Variants in WDR41 observed in about 807,000 individuals in gnomAD.
WDR41 encodes the protein WD repeat-containing protein 41.
A neutral mutation model predicts 69.3 loss-of-function variants in WDR41; 63 were observed. The ratio of observed to expected loss-of-function variants is 0.91; its 90% CI spans 0.74 to 1.12. The LOEUF is 1.12. WDR41 is among the 50% of genes most tolerant of loss of function. WDR41 has a pLI of 0.00. For missense variants in WDR41, 543 were observed against 534.5 expected (o/e 1.02, Z -0.16); for synonymous variants, 185 against 192.1 (o/e 0.96, Z 0.31).
chr5:77,562,927 G>T (rs756593037), intron 1 of WDR41, among the ~76,000 whole-genome samples: 2 of 152,048 alleles, frequency 1.3e-5, no homozygotes, highest in Admixed American at 6.6e-5. Context: ...AAGATCTTCC[G>T]TGAAATTCTA....
intron 1 of WDR41, among the ~76,000 whole-genome samples, chr5:77,539,619 C>A (rs906788485): frequency 6.6e-6 from 1 of 152,128 alleles, no homozygotes; most frequent in East Asian, 1.9e-4. Flanking sequence ...TGAACCCTGA[C>A]TGCTGCATGT....
chr5:77,620,412 A>C, intron 1 of WDR41: 1 of 448,410 alleles, frequency 2.2e-6, no homozygotes, highest in Non-Finnish European at 4.5e-6. Context: ...TTGAAAGATA[A>C]GGTCCTATGA....
intron 1 of WDR41, among the ~76,000 whole-genome samples, chr5:77,611,422 C>A (rs1479512327): frequency 6.6e-6 from 1 of 152,182 alleles, no homozygotes; most frequent in African/African-American, 2.4e-5. Context: ...CACTCCTCAG[C>A]AAATGTAAAA....
chr5:77,510,490 T>C (rs984823810), intron 1 of WDR41, among the ~76,000 whole-genome samples: 3 of 152,030 alleles, frequency 2.0e-5, no homozygotes, highest in Non-Finnish European at 2.9e-5. Flanking sequence ...TAAATAAAAT[T>C]ATGGTTCTGC....
chr5:77,445,248 T>G (rs13169026), intron 8 of WDR41, among the ~76,000 whole-genome samples: 1 of 151,946 alleles, frequency 6.6e-6, no homozygotes, highest in African/African-American at 2.4e-5. Context: ...AATCCCTGAA[T>G]AGACCAATAA....
At chr5:77,588,227 T>C (rs927874138) in intron 1 of WDR41, among the ~76,000 whole-genome samples, 1 of 152,194 alleles carries the variant, frequency 6.6e-6, no homozygotes, top group African/African-American at 2.4e-5. Context: ...ACTCAGTGAT[T>C]TGCCTTTTTA....
chr5:77,523,323 T>G (rs563422209), intron 1 of WDR41, among the ~76,000 whole-genome samples: 16 of 151,976 alleles, frequency 1.1e-4, no homozygotes, highest in Non-Finnish European at 2.2e-4. Context: ...AAAAGATATA[T>G]TTTCTACCTT....
chr5:77,578,392 A>G (rs1338859173), intron 1 of WDR41, among the ~76,000 whole-genome samples: 1 of 152,210 alleles, frequency 6.6e-6, no homozygotes, highest in Non-Finnish European at 1.5e-5. Context: ...TTTAGTATCC[A>G]TAGTACTACA....
intron 1 of WDR41, among the ~76,000 whole-genome samples, chr5:77,491,541 C>T (rs1356151050): frequency 6.6e-6 from 1 of 152,108 alleles, no homozygotes; most frequent in Non-Finnish European, 1.5e-5. Flanking sequence ...ATGTAAATTT[C>T]ATTACACACG....
chr5:77,534,234 A>C (rs1336928803), intron 1 of WDR41, among the ~76,000 whole-genome samples: 3 of 152,164 alleles, frequency 2.0e-5, no homozygotes, highest in African/African-American at 7.2e-5. Flanking sequence ...ATGGATCAGA[A>C]TCTTTAAATT....
chr5:77,494,009 G>A (rs183931498), upstream of WDR41, among the ~76,000 whole-genome samples: 3 of 151,640 alleles, frequency 2.0e-5, no homozygotes, highest in Non-Finnish European at 4.4e-5. Context: ...GTATAAAGAT[G>A]TAATTTGTGG....
intron 2 of WDR41, among the ~76,000 whole-genome samples, chr5:77,471,340 G>C (rs1221057624): frequency 6.6e-6 from 1 of 152,100 alleles, no homozygotes; most frequent in African/African-American, 2.4e-5. Flanking sequence ...ATCTAAAATT[G>C]ACACCCTAAC....
intron 1 of WDR41, among the ~76,000 whole-genome samples, chr5:77,565,918 C>T (rs946110596): frequency 6.6e-6 from 1 of 152,128 alleles, no homozygotes; most frequent in African/African-American, 2.4e-5. Context: ...GTATTCAACA[C>T]ATTATTGTAA....
At chr5:77,529,367 A>G (rs1802491487) in intron 1 of WDR41, among the ~76,000 whole-genome samples, 1 of 151,582 alleles carries the variant, frequency 6.6e-6, no homozygotes, top group South Asian at 2.1e-4. Context: ...GATAAAAAAA[A>G]CTTTAAAGGT....
At chr5:77,453,097 A>C (rs182608781) in intron 6 of WDR41, among the ~76,000 whole-genome samples, 3 of 152,314 alleles carry the variant, frequency 2.0e-5, no homozygotes, top group Admixed American at 2.0e-4. Context: ...TGATACTTTA[A>C]AATATCTACG....
At chr5:77,531,631 C>A (rs1413574536) in intron 1 of WDR41, among the ~76,000 whole-genome samples, 1 of 151,908 alleles carries the variant, frequency 6.6e-6, no homozygotes, top group African/African-American at 2.4e-5. Context: ...CCCCACAATT[C>A]ATTTGTACTC....
At chr5:77,459,166 A>C (rs758081248) in intron 4 of WDR41, 42 bp from the exon 5 acceptor site, 15 of 1,397,054 alleles carry the variant, frequency 1.1e-5, no homozygotes, top group Non-Finnish European at 1.5e-5. Context: ...AGAATTTTAA[A>C]ATCTTAATTA....
intron 1 of WDR41, among the ~76,000 whole-genome samples, chr5:77,512,911 G>A (rs1411823788): frequency 6.6e-6 from 1 of 152,074 alleles, no homozygotes; most frequent in Non-Finnish European, 1.5e-5. Context: ...TGTTTCAAGT[G>A]CTAAGGATTC....
rs141792153 is a variant in WDR41 at position 77,603,948 on chromosome 5, C to T, written c.42+16531G>A. Among the ~76,000 whole-genome samples, 249 of 152,220 alleles carry T rather than the reference C, an allele frequency of 1.6e-3. 2 individuals carry two copies. The highest frequency in any genetic ancestry group is 5.6e-3 in the African/African-American group (234 of 41,548). On this transcript the variant is annotated intron_variant, in intron 1 of 5. Coordinates refer to the WDR41 transcript ENST00000509971. ...ATTGGTGTATATGTCTGTTTTTATA[C>T]CAATACCATGCTGTTCTGATTAATA...
Sources: allele counts gnomAD v4.1 joint callset (sites outside exome capture counted in the v4.1 genomes callset), GRCh38; gene constraint gnomAD v4.1.1; transcripts MANE v1.5; gene names NCBI Gene and HGNC (gene_info 2026-07-23, HGNC 2026-07-21).